GPC5: variants seen among roughly 807,000 people sequenced by gnomAD.
The protein encoded by GPC5 is glypican 5.
Under a neutral mutation model 53.9 loss-of-function variants are expected in GPC5, and 47 were observed. That is an observed-to-expected ratio of 0.87 (90% CI 0.69 to 1.11). The LOEUF (loss-of-function observed/expected upper bound fraction) is 1.11. Among genes scored for constraint, GPC5 ranks in the 50% most tolerant of loss-of-function variants. The pLI is 0.00. For synonymous variants in GPC5, 286 were observed against 263.3 expected (o/e 1.09, Z -0.84); for missense variants, 748 against 713.1 (o/e 1.05, Z -0.56).
rs188289562 is a variant in GPC5 at position 92,642,879 on chromosome 13, A to G, written c.1562-223403A>G. Among the ~76,000 whole-genome samples, 269 of 152,332 alleles carry G rather than the reference A, an allele frequency of 1.8e-3. 2 individuals carry two copies. The highest frequency in any genetic ancestry group is 7.6e-4 in the Non-Finnish European group (52 of 68,024). ...TGAAGCTAGAATCCAGACCAGGCCA[A>G]GGGACTTTATGATTTTAAGGAGGTT... is the stretch of plus-strand genomic sequence containing the variant. On this transcript the variant is annotated intron_variant, in intron 7 of 7. Coordinates refer to ENST00000377067, the MANE Select transcript of GPC5 (RefSeq NM_004466.6).
intron 7 of GPC5, among the ~76,000 whole-genome samples, chr13:92,221,264 G>A (rs2042446347): frequency 6.6e-6 from 1 of 152,156 alleles, no homozygotes; most frequent in Admixed American, 6.5e-5. Flanking sequence ...CATTATTTTG[G>A]CCAATCAGAC....
chr13:92,387,187 A>G (rs766697039), intron 7 of GPC5, among the ~76,000 whole-genome samples: 3 of 152,056 alleles, frequency 2.0e-5, no homozygotes, highest in Non-Finnish European at 4.4e-5. Flanking sequence ...TGCTCATTCA[A>G]CCATTCTATT....
chr13:91,460,883 T>G (rs1881889516), intron 2 of GPC5, among the ~76,000 whole-genome samples: 1 of 152,162 alleles, frequency 6.6e-6, no homozygotes, highest in South Asian at 2.1e-4. Flanking sequence ...CTTTCTTTCC[T>G]CAGACAAATA....
At chr13:92,287,481 A>AT (rs1284233300) in intron 7 of GPC5, among the ~76,000 whole-genome samples, 2 of 152,044 alleles carry the variant, frequency 1.3e-5, no homozygotes, top group African/African-American at 2.4e-5. Context: ...AGAATTGTGT[A>AT]TTTTTTTCTT....
intron 7 of GPC5, among the ~76,000 whole-genome samples, chr13:92,625,393 A>G (rs867089036): frequency 3.3e-5 from 5 of 152,232 alleles, no homozygotes; most frequent in African/African-American, 1.2e-4. Context: ...GTTACTGACT[A>G]TATAACATCT....
intron 6 of GPC5, among the ~76,000 whole-genome samples, chr13:91,918,026 A>G (rs2039676710): frequency 6.6e-6 from 1 of 152,198 alleles, no homozygotes; most frequent in Non-Finnish European, 1.5e-5. Context: ...GAAATTCCTG[A>G]GACTGGGTAA....
At chr13:92,394,073 C>T (rs976453184) in intron 7 of GPC5, among the ~76,000 whole-genome samples, 1 of 151,994 alleles carries the variant, frequency 6.6e-6, no homozygotes, top group Non-Finnish European at 1.5e-5. Context: ...TGGGTTACTT[C>T]CTGAAGAGAG....
intron 6 of GPC5, among the ~76,000 whole-genome samples, chr13:92,098,880 C>T (rs1566434354): frequency 6.6e-6 from 1 of 151,906 alleles, no homozygotes; most frequent in Non-Finnish European, 1.5e-5. Flanking sequence ...GAAATGTAAG[C>T]TAATACTTTA....
In GPC5 at chr13:92,740,413, T is replaced by G. The variant is rs569774195; in HGVS notation, c.1562-125869T>G. ...TGCACTTTACATCTATAAGGTGAGT[T>G]GGGCTTGGCAGATATTTTGTTACCG... On this transcript the variant is annotated intron_variant, in intron 7 of 7. Coordinates refer to ENST00000377067, the MANE Select transcript of GPC5 (RefSeq NM_004466.6). Among the ~76,000 whole-genome samples, 77 of 152,246 alleles carry G rather than the reference T, an allele frequency of 5.1e-4. 1 individual carries two copies. Among genetic ancestry groups the G allele is most frequent in the African/African-American group, 1.8e-3 (73 of 41,564 alleles).
At chr13:92,489,499 T>A (rs576301075) in intron 7 of GPC5, among the ~76,000 whole-genome samples, 2 of 152,160 alleles carry the variant, frequency 1.3e-5, no homozygotes, top group South Asian at 4.2e-4. Flanking sequence ...GGAGTGCTGA[T>A]GTTGTTATTT....
Position 92,243,597 on chromosome 13 carries a change from T to C in GPC5, c.1561+98608T>C, listed in dbSNP as rs1387467758. 2.0e-5 allele frequency among the ~76,000 whole-genome samples: 3 copies of C among 152,192 alleles called. No homozygotes were observed. In the East Asian group the frequency reaches 5.8e-4, roughly 29 times the overall value. Reference sequence around the variant, plus strand: ...ATCAAAAGTTACTCCACAGTTTTAGTTTGATTACTTTTGTGAATGATATTG... The same window carrying C: ...ATCAAAAGTTACTCCACAGTTTTAGCTTGATTACTTTTGTGAATGATATTG... On this transcript the variant is annotated intron_variant, in intron 7 of 7. Transcript: ENST00000377067.
At chr13:91,661,415 A>T (rs2034985298) in intron 2 of GPC5, among the ~76,000 whole-genome samples, 1 of 152,200 alleles carries the variant, frequency 6.6e-6, no homozygotes, top group South Asian at 2.1e-4. Flanking sequence ...ATGGGGCCTG[A>T]GTTCAGGTGC....
chr13:91,874,148 G>A (rs779211941), intron 5 of GPC5, among the ~76,000 whole-genome samples: 5 of 152,200 alleles, frequency 3.3e-5, no homozygotes, highest in Admixed American at 1.3e-4. Flanking sequence ...CATGTTCTGT[G>A]CCTGTGAAAG....
chr13:92,417,680 C>G (rs1248662197), intron 7 of GPC5, among the ~76,000 whole-genome samples: 1 of 152,096 alleles, frequency 6.6e-6, no homozygotes, highest in Non-Finnish European at 1.5e-5. Context: ...CGAGGCCAAC[C>G]TGGACAACAT....
chr13:91,794,408 C>G (rs1418814654), intron 5 of GPC5, among the ~76,000 whole-genome samples: 1 of 152,194 alleles, frequency 6.6e-6, no homozygotes, highest in Non-Finnish European at 1.5e-5. Flanking sequence ...GATACCATCT[C>G]AGCCTGTCAC....
In GPC5 at chr13:92,144,925, T is replaced by G; in HGVS notation, c.1497T>G (p.Asp499Glu). The change falls in exon 7 of 8, where the codon GAT (aspartate) becomes GAG (glutamate). Residue 499 changes from aspartate (D) to glutamate (E), a missense_variant. Transcript: ENST00000377067. ...GMVEQVSGDC[D>E]DEDGCGGSGS... ...TTGAACAAGTCAGTGGGGACTGTGA[T>G]GATGAAGATGGTTGCGGGGGATCAG... 1 of 1,595,892 alleles carries G rather than the reference T, an allele frequency of 6.3e-7. No homozygotes were observed. The highest frequency in any genetic ancestry group is 8.5e-7 in the Non-Finnish European group (1 of 1,173,434).
chr13:92,278,999 T>A (rs1432251470), intron 7 of GPC5, among the ~76,000 whole-genome samples: 4 of 152,068 alleles, frequency 2.6e-5, no homozygotes, highest in Non-Finnish European at 2.9e-5. Flanking sequence ...TTGTCTTAAC[T>A]ATTAAGGGCC....
chr13:92,282,563 A>G (rs2042924059), intron 7 of GPC5, among the ~76,000 whole-genome samples: 1 of 152,208 alleles, frequency 6.6e-6, no homozygotes, highest in Non-Finnish European at 1.5e-5. Flanking sequence ...CAGAAAATCT[A>G]CAAGCCAGAA....
chr13:91,438,529 C>A (rs994320640), intron 1 of GPC5, among the ~76,000 whole-genome samples: 6 of 152,146 alleles, frequency 3.9e-5, no homozygotes, highest in Non-Finnish European at 8.8e-5. Context: ...GAAGTTTTGT[C>A]TCAGAGGAGT....
Sources: gnomAD v4.1 joint callset for allele counts (sites outside exome capture counted in the v4.1 genomes callset) on GRCh38, gnomAD v4.1.1 for gene constraint, MANE v1.5 for transcripts, NCBI Gene and HGNC (gene_info 2026-07-23, HGNC 2026-07-21) for gene names.